LAMA2: variants seen among roughly 807,000 people sequenced by gnomAD.
The protein encoded by LAMA2 is laminin subunit alpha 2.
A neutral mutation model predicts 364.8 loss-of-function variants in LAMA2; 269 were observed. The ratio of observed to expected loss-of-function variants is 0.74; its 90% confidence interval spans 0.67 to 0.82. The LOEUF is 0.82. LAMA2 is among the 40% of genes least tolerant of loss of function. The pLI is 0.00. For synonymous variants in LAMA2, 1,379 were observed against 1,370.6 expected (o/e 1.01, Z -0.14); for missense variants, 3,807 against 3,873.2 (o/e 0.98, Z 0.45).
intron 1 of LAMA2, among the ~76,000 whole-genome samples, chr6:128,994,889 A>T (rs960634298): frequency 1.1e-4 from 17 of 152,240 alleles, no homozygotes; most frequent in African/African-American, 3.8e-4. Flanking sequence ...TTTCTAAAGG[A>T]TGAGTTTAAG....
At chr6:128,921,631 A>C (rs781293441) in intron 1 of LAMA2, among the ~76,000 whole-genome samples, 3 of 152,088 alleles carry the variant, frequency 2.0e-5, no homozygotes, top group Admixed American at 2.0e-4. Flanking sequence ...TGTGTCTAGA[A>C]GGAACCAACT....
chr6:129,070,124 A>T (rs1010657817), intron 3 of LAMA2, among the ~76,000 whole-genome samples: 5 of 152,066 alleles, frequency 3.3e-5, no homozygotes, highest in Admixed American at 2.0e-4. Context: ...ACCTTAGGTA[A>T]CTTGTCCCAC....
chr6:129,256,582 G>A (rs9492283), intron 14 of LAMA2, among the ~76,000 whole-genome samples: 23,977 of 151,262 alleles, frequency 0.16, 2,054 homozygotes, highest in South Asian at 0.23. Flanking sequence ...AGAAGTGTGC[G>A]CAGTGCATAC....
At chr6:129,266,934 T>G (rs1787559361) in intron 15 of LAMA2, among the ~76,000 whole-genome samples, 172 bp from the exon 16 acceptor site, 1 of 152,146 alleles carries the variant, frequency 6.6e-6, no homozygotes, top group African/African-American at 2.4e-5. Flanking sequence ...AAAGCCCCAG[T>G]GTCAGGAGGA....
chr6:129,253,746 G>T lies in LAMA2; in HGVS notation c.2096+1451G>T, dbSNP rs1786429097. On this transcript the variant is annotated intron_variant, in intron 14 of 64. Transcript: ENST00000421865. ...TGCTTTTCAGGCTAGTTAATACAAA[G>T]ACATTTCCCCCTGATTTATGTTGGA... 2.0e-5 allele frequency among the ~76,000 whole-genome samples: 3 copies of T among 152,182 alleles called. No individual in the cohort carries two copies. In the South Asian group the frequency reaches 6.2e-4, roughly 31 times the overall value.
chr6:129,184,390 AG>A (rs1358299483), intron 10 of LAMA2, among the ~76,000 whole-genome samples: 1 of 151,886 alleles, frequency 6.6e-6, no homozygotes, highest in Non-Finnish European at 1.5e-5. Context: ...ATATTATGTT[AG>A]TCAATTTTTT....
At chr6:129,371,012 C>A (rs373263675) in intron 34 of LAMA2, among the ~76,000 whole-genome samples, 7 of 152,054 alleles carry the variant, frequency 4.6e-5, no homozygotes, top group African/African-American at 1.2e-4. Context: ...AGATACAACA[C>A]GGAGTTTCTT....
chr6:128,935,406 A>G (rs1779757654), intron 1 of LAMA2, among the ~76,000 whole-genome samples: 1 of 151,990 alleles, frequency 6.6e-6, no homozygotes, highest in Admixed American at 6.6e-5. Context: ...CATCTTTTTT[A>G]TGACTCTGTA....
intron 16 of LAMA2, among the ~76,000 whole-genome samples, 163 bp downstream of exon 16, chr6:129,267,382 A>G (rs773916727): frequency 1.3e-5 from 2 of 152,140 alleles, no homozygotes; most frequent in African/African-American, 2.4e-5. Flanking sequence ...ATGCTCTTTC[A>G]TATGTGATCT....
intron 48 of LAMA2, among the ~76,000 whole-genome samples, chr6:129,458,225 G>A (rs1357821769): frequency 1.3e-5 from 2 of 152,036 alleles, no homozygotes; most frequent in Non-Finnish European, 2.9e-5. Flanking sequence ...TGAATAGTGA[G>A]ACACACACTA....
chr6:128,992,986 G>A (rs1223711912), intron 1 of LAMA2, among the ~76,000 whole-genome samples: 1 of 152,170 alleles, frequency 6.6e-6, no homozygotes, highest in Non-Finnish European at 1.5e-5. Flanking sequence ...CATCTTTTAA[G>A]TAGGAATATT....
intron 4 of LAMA2, among the ~76,000 whole-genome samples, chr6:129,101,491 C>A (rs1775516619): frequency 6.6e-6 from 1 of 152,092 alleles, no homozygotes; most frequent in Non-Finnish European, 1.5e-5. Flanking sequence ...AGTGACTTTT[C>A]TCTGATTTAT....
At chr6:129,069,694 G>A (rs1228838345) in intron 3 of LAMA2, among the ~76,000 whole-genome samples, 1 of 148,326 alleles carries the variant, frequency 6.7e-6, no homozygotes, top group Admixed American at 6.8e-5. Context: ...CAATAATAAT[G>A]TGTTAGTACA....
At chr6:129,365,243 C>A (rs141882980) in intron 32 of LAMA2, among the ~76,000 whole-genome samples, 1 of 152,120 alleles carries the variant, frequency 6.6e-6, no homozygotes, top group Non-Finnish European at 1.5e-5. Context: ...TGTGAGACTG[C>A]ATCTAATCAT....
rs989236849 is a variant in LAMA2 at position 129,021,570 on chromosome 6, C to T, written c.113-28348C>T. Among the ~76,000 whole-genome samples, 145 of 152,258 alleles carry T rather than the reference C, an allele frequency of 9.5e-4. No individual in the cohort carries two copies. In the Middle Eastern group the frequency reaches 0.01, roughly 11 times the overall value. On this transcript the variant is annotated intron_variant, in intron 1 of 64. Coordinates refer to ENST00000421865, the MANE Select transcript of LAMA2 (RefSeq NM_000426.4). ...AACATATATAGAGTGTAGTTATTTT[C>T]TAGCCATAAGAATTAGCAGAAGCTT...
At chr6:129,473,120 G>T (rs551190476) in intron 51 of LAMA2, 94 bp from the exon 52 acceptor site, 2 of 979,038 alleles carry the variant, frequency 2.0e-6, no homozygotes, top group South Asian at 1.4e-5. Context: ...GTTAATTCTC[G>T]AATTAAACCA....
chr6:129,227,125 G>A (rs1784350758), intron 12 of LAMA2, among the ~76,000 whole-genome samples: 1 of 152,080 alleles, frequency 6.6e-6, no homozygotes, highest in African/African-American at 2.4e-5. Flanking sequence ...GATCGAATCA[G>A]CTCCTGAGGC....
At position 128,883,315 on chromosome 6, in the gene LAMA2, C is replaced by T. The variant is rs868408509; in HGVS notation, c.70C>T (p.Arg24Trp). Residue 24 changes from arginine to tryptophan, a missense_variant, in exon 1 of 65, where the codon CGG becomes TGG. Transcript: ENST00000421865. ...AGGCCTCGGGGGCGTACAGGCGCAG[C>T]GGCCGCAGCAGCAGCGGCAGTCACA... ...SGGLGGVQAQRPQQQRQSQAH... is the reference protein window; with the variant it reads ...SGGLGGVQAQWPQQQRQSQAH... 1 of 1,596,766 alleles carries T rather than the reference C, an allele frequency of 6.3e-7. No homozygotes were observed. Among genetic ancestry groups the T allele is most frequent in the Non-Finnish European group, 8.5e-7 (1 of 1,172,088 alleles).
intron 12 of LAMA2, among the ~76,000 whole-genome samples, chr6:129,224,286 T>G (rs895441326): frequency 5.3e-5 from 8 of 152,218 alleles, no homozygotes; most frequent in Non-Finnish European, 1.2e-4. Flanking sequence ...TTATGTCATC[T>G]GCAAACAGGG....
Sources: allele counts gnomAD v4.1 joint callset (sites outside exome capture counted in the v4.1 genomes callset), GRCh38; gene constraint gnomAD v4.1.1; transcripts MANE v1.5; gene names NCBI Gene and HGNC (gene_info 2026-07-23, HGNC 2026-07-21).